The following CD163L1 variants were observed in gnomAD, a reference collection of about 807,000 sequenced individuals.
The protein encoded by CD163L1 is scavenger receptor cysteine-rich type 1 protein M160.
Under a neutral mutation model 165.4 loss-of-function variants are expected in CD163L1, and 124 were observed. The observed-to-expected ratio is 0.75, with a 90% CI of 0.65 to 0.87. CD163L1 has a LOEUF of 0.87. Ranked by LOEUF, CD163L1 falls within the 40% of genes least tolerant of loss-of-function variation. The pLI is 0.00. For synonymous variants in CD163L1, 585 were observed against 662.2 expected (o/e 0.88, Z 1.79); for missense variants, 1,525 against 1,799.9 (o/e 0.85, Z 2.76).
intron 19 of CD163L1, among the ~76,000 whole-genome samples, chr12:7,355,875 T>C (rs150006838): frequency 6.6e-6 from 1 of 152,254 alleles, no homozygotes; most frequent in East Asian, 1.9e-4. Context: ...CCCAATATCT[T>C]GATCATGGAC....
At chr12:7,352,526 G>A (rs1458591354), downstream of CD163L1, among the ~76,000 whole-genome samples, 1 of 152,048 alleles carries the variant, frequency 6.6e-6, no homozygotes, top group African/African-American at 2.4e-5. Flanking sequence ...TGAAACAAGG[G>A]CAGACTTCAA....
chr12:7,436,049 T>C (rs1430373607), intron 2 of CD163L1, among the ~76,000 whole-genome samples: 1 of 152,148 alleles, frequency 6.6e-6, no homozygotes, highest in Non-Finnish European at 1.5e-5. Context: ...TATTGTATTA[T>C]TAAAAAGTAA....
the CD163L1 span, chr12:7,322,450 C>T: frequency 3.1e-6 from 5 of 1,613,694 alleles, no homozygotes; most frequent in Non-Finnish European, 4.2e-6. Flanking sequence ...CACTGCTTGA[C>T]CGGAGGGGAG....
At chr12:7,382,749 AT>A (rs1947438030) in intron 8 of CD163L1, among the ~76,000 whole-genome samples, 1 of 152,136 alleles carries the variant, frequency 6.6e-6, no homozygotes, top group African/African-American at 2.4e-5. Flanking sequence ...GCATGGCACC[AT>A]TTTGAGAGTC....
At chr12:7,384,093 A>C (rs761663442) in intron 8 of CD163L1, among the ~76,000 whole-genome samples, 1 of 152,154 alleles carries the variant, frequency 6.6e-6, no homozygotes, top group Non-Finnish European at 1.5e-5. Context: ...TTAGGATGTT[A>C]ATGAGAAATT....
At chr12:7,320,671 G>A in the CD163L1 span, 1 of 1,463,354 alleles carries the variant, frequency 6.8e-7, no homozygotes, top group Non-Finnish European at 9.6e-7. Flanking sequence ...ATCAGCTCTA[G>A]TCATGGCCTT....
downstream of CD163L1, chr12:7,354,844 C>T (rs1201838758): frequency 1.3e-5 from 2 of 152,110 alleles, no homozygotes; most frequent in Admixed American, 6.5e-5. Context: ...TTCACCCTCA[C>T]GACATGATTA....
chr12:7,375,953 T>C lies in CD163L1; in HGVS notation c.2433A>G (p.Lys811=), dbSNP rs760041856. Residue 811 remains lysine, a synonymous_variant, in exon 10 of 20, where the codon AAA becomes AAG. Transcript: ENST00000313599. ...DMPCSGRVEV[K]HADTWRSVCD... ...AGACAGAGCGCCATGTGTCTGCATG[T>C]TTCACTTCAACACGTCCAGAGCAGG... 28 of 1,614,210 alleles carry C rather than the reference T, an allele frequency of 1.7e-5. 1 individual carries two copies. In the South Asian group the frequency reaches 2.6e-4, roughly 15 times the overall value.
chr12:7,427,396 A>C (rs1948563079), intron 4 of CD163L1, among the ~76,000 whole-genome samples: 2 of 152,146 alleles, frequency 1.3e-5, no homozygotes, highest in Non-Finnish European at 1.5e-5. Context: ...AAAATAATTA[A>C]TATTGTTAAA....
chr12:7,321,423 C>T, the CD163L1 span, among the ~76,000 whole-genome samples: 1 of 152,260 alleles, frequency 6.6e-6, no homozygotes, highest in African/African-American at 2.4e-5. Context: ...GTAGCATAGG[C>T]TTGTCCATCC....
chr12:7,388,392 C>A (rs1418301333), intron 8 of CD163L1, among the ~76,000 whole-genome samples: 2 of 152,050 alleles, frequency 1.3e-5, no homozygotes, highest in Non-Finnish European at 2.9e-5. Context: ...GTGCTAATAT[C>A]CAGAATATTT....
At chr12:7,439,490 C>A (rs1948784649) in intron 2 of CD163L1, 2 of 1,584,892 alleles carry the variant, frequency 1.3e-6, no homozygotes, top group African/African-American at 1.4e-5. Context: ...TTTTTCAGAT[C>A]ATCTGGGCTT....
At chr12:7,333,314 C>G in the CD163L1 span, among the ~76,000 whole-genome samples, 1 of 152,146 alleles carries the variant, frequency 6.6e-6, no homozygotes, top group African/African-American at 2.4e-5. Context: ...TGCAATCAAA[C>G]TAGAACTCAG....
At chr12:7,327,485 A>G in the CD163L1 span, among the ~76,000 whole-genome samples, 4 of 152,318 alleles carry the variant, frequency 2.6e-5, no homozygotes, top group African/African-American at 9.6e-5. Flanking sequence ...TGAAGTATCA[A>G]GTGACCTCAT....
chr12:7,418,912 GA>G (rs2136571722), intron 4 of CD163L1, among the ~76,000 whole-genome samples: 1 of 152,114 alleles, frequency 6.6e-6, no homozygotes, highest in East Asian at 1.9e-4. Flanking sequence ...AAAAAGTCCA[GA>G]ACCAGATGGA....
chr12:7,375,537 G>T lies in CD163L1; in HGVS notation c.2745C>A (p.Ile915=). Residue 915 remains isoleucine (I), a synonymous_variant, in exon 11 of 20, where the codon ATC becomes ATA. Coordinates refer to ENST00000313599, the MANE Select transcript of CD163L1 (RefSeq NM_174941.6). ...GTGAGCCCCAGTGTCCAAGCACGTTGATCTCCACTTGCCCGTCACACTGGG... is the reference window on the plus strand; with the variant it reads ...GTGAGCCCCAGTGTCCAAGCACGTTTATCTCCACTTGCCCGTCACACTGGG... ...GKSQCDGQVE[I]NVLGHWGSLC... 1 of 1,613,862 alleles carries T rather than the reference G, an allele frequency of 6.2e-7. No homozygotes were observed. The highest frequency in any genetic ancestry group is 1.1e-5 in the South Asian group (1 of 91,082).
rs201527268 is a variant in CD163L1 at position 7,433,510 on chromosome 12, G to C, written c.309C>G (p.Ala103=). Reference sequence around the variant, plus strand: ...GCCAAATTTTTCCATGTCTAGTCACGGCTTGTCCAAAACGAAACATGGCGA... The same window carrying C: ...GCCAAATTTTTCCATGTCTAGTCACCGCTTGTCCAAAACGAAACATGGCGA... ...FSFAMFRFGQ[A]VTRHGKIWLD... The change falls in exon 3 of 20, where the codon GCC becomes GCG. Residue 103 remains alanine, a synonymous_variant. Transcript: ENST00000313599. The C allele has an allele frequency of 6.2e-7, 1 of 1,613,966 alleles. No individual in the cohort carries two copies. The highest frequency in any genetic ancestry group is 8.5e-7 in the Non-Finnish European group (1 of 1,180,022).
At chr12:7,386,182 A>G (rs1565787361) in intron 8 of CD163L1, among the ~76,000 whole-genome samples, 1 of 152,158 alleles carries the variant, frequency 6.6e-6, no homozygotes, top group African/African-American at 2.4e-5. Context: ...AGAGCCAAAT[A>G]TGAGCAACGA....
intron 4 of CD163L1, among the ~76,000 whole-genome samples, chr12:7,428,051 C>G (rs1204161186): frequency 1.3e-5 from 2 of 152,004 alleles, no homozygotes; most frequent in African/African-American, 4.8e-5. Context: ...ACAGATAAAT[C>G]CTGCTGAATC....
Sources: allele counts gnomAD v4.1 joint callset (sites outside exome capture counted in the v4.1 genomes callset), GRCh38; gene constraint gnomAD v4.1.1; transcripts MANE v1.5; gene names NCBI Gene and HGNC (gene_info 2026-07-23, HGNC 2026-07-21).